CEP72: variants seen among roughly 807,000 people sequenced by gnomAD.
CEP72 encodes centrosomal protein 72, also known as centrosomal protein of 72 kDa.
In CEP72, 78 loss-of-function variants were observed where a neutral mutation model predicts 65.7. That is an observed-to-expected ratio of 1.19 (90% CI 0.99 to 1.43). CEP72 has a LOEUF of 1.43. CEP72 is among the 40% of genes most tolerant of loss of function. CEP72 has a pLI of 0.00. For missense variants in CEP72, 914 were observed against 832.9 expected (o/e 1.10, Z -1.20); for synonymous variants, 358 against 351.7 (o/e 1.02, Z -0.20).
chr5:651,377 G>C (rs1191982179), intron 11 of CEP72, among the ~76,000 whole-genome samples: 1 of 151,822 alleles, frequency 6.6e-6, no homozygotes, highest in Non-Finnish European at 1.5e-5. Flanking sequence ...TGTGAGTTGT[G>C]AATGTGAGGT....
chr5:645,202 G>A lies in CEP72; in HGVS notation c.1666+777G>A, dbSNP rs2126805998. ...TCTCACGATGTCTGTCCCAACCAGC[G>A]GTGGCCTTTGCGGCAGGGAGGCAGC... On this transcript the variant is annotated intron_variant, in intron 10 of 11. Coordinates refer to ENST00000264935, the MANE Select transcript of CEP72 (RefSeq NM_018140.4). The surrounding 1 kb of genome is among the most constrained non-coding windows in gnomAD (Gnocchi z 4.0). 6.6e-6 allele frequency among the ~76,000 whole-genome samples: 1 copy of A among 152,138 alleles called. No homozygotes were observed. Among genetic ancestry groups the A allele is most frequent in the African/African-American group, 2.4e-5 (1 of 41,496 alleles).
At chr5:615,705 TTTA>T (rs1324459069) in intron 1 of CEP72, among the ~76,000 whole-genome samples, 1 of 152,212 alleles carries the variant, frequency 6.6e-6, no homozygotes, top group Non-Finnish European at 1.5e-5. Context: ...AGTGTGCCAT[TTTA>T]TTGTTTTTTG....
chr5:638,881 C>T (rs1436969792), intron 7 of CEP72, among the ~76,000 whole-genome samples: 1 of 152,138 alleles, frequency 6.6e-6, no homozygotes, highest in African/African-American at 2.4e-5. Context: ...GTCATCGAGA[C>T]CTCACTCATC....
chr5:657,989 T>G (rs1032041644), downstream of CEP72, among the ~76,000 whole-genome samples: 1 of 152,208 alleles, frequency 6.6e-6, no homozygotes, highest in Non-Finnish European at 1.5e-5. Context: ...TCGAGTTAGT[T>G]TTTGTAAGTT....
intron 1 of CEP72, among the ~76,000 whole-genome samples, chr5:617,988 T>C (rs1288169282): frequency 6.6e-6 from 1 of 152,228 alleles, no homozygotes; most frequent in Non-Finnish European, 1.5e-5. Flanking sequence ...TTAATGTTGA[T>C]GTAGTGACTG....
At chr5:671,564 A>G (rs1740225491), downstream of CEP72, among the ~76,000 whole-genome samples, 1 of 152,212 alleles carries the variant, frequency 6.6e-6, no homozygotes, top group African/African-American at 2.4e-5. Context: ...GGCCAAGCGC[A>G]GGAGACGGGT....
At chr5:615,003 T>G (rs1244917451) in intron 1 of CEP72, among the ~76,000 whole-genome samples, 1 of 152,180 alleles carries the variant, frequency 6.6e-6, no homozygotes, top group African/African-American at 2.4e-5. Flanking sequence ...CTGGAACCCT[T>G]AACTGTAATT....
chr5:624,931 T>C lies in CEP72; in HGVS notation c.512+352T>C, dbSNP rs1736650103. ...CTTCAGCTACTTTCTTAGCTGCCCA[T>C]CCAGCCAAATCCCACTTCTGGCCGT... On this transcript the variant is annotated intron_variant, in intron 4 of 11. Coordinates refer to ENST00000264935, the MANE Select transcript of CEP72 (RefSeq NM_018140.4). This position sits in a 1 kb window ranked among gnomAD's most constrained non-coding sequence, Gnocchi z 4.7. 6.6e-6 allele frequency among the ~76,000 whole-genome samples: 1 copy of C among 152,192 alleles called. No individual in the cohort carries two copies. The highest frequency in any genetic ancestry group is 1.5e-5 in the Non-Finnish European group (1 of 68,034).
chr5:618,334 G>A (rs1485647057), intron 1 of CEP72, among the ~76,000 whole-genome samples: 1 of 152,212 alleles, frequency 6.6e-6, no homozygotes, highest in Non-Finnish European at 1.5e-5. Context: ...TTCAGATTAC[G>A]AGGATACATA....
chr5:641,373 A>G, intron 9 of CEP72: 1 of 985,488 alleles, frequency 1.0e-6, no homozygotes, highest in Non-Finnish European at 1.2e-6. Context: ...GTGCACATCC[A>G]GAGGGGCCTT....
chr5:671,570 C>T (rs966973761), downstream of CEP72, among the ~76,000 whole-genome samples: 6 of 152,344 alleles, frequency 3.9e-5, no homozygotes, highest in South Asian at 2.1e-4. Flanking sequence ...GCGCAGGAGA[C>T]GGGTGCCTGT....
downstream of CEP72, among the ~76,000 whole-genome samples, chr5:671,169 C>T (rs1174770930): frequency 6.6e-6 from 1 of 151,850 alleles, no homozygotes; most frequent in Non-Finnish European, 1.5e-5. Flanking sequence ...GATCAGCGCA[C>T]TGTCTCCCTC....
At position 644,434 on chromosome 5, in the gene CEP72, A is replaced by G; in HGVS notation, c.1666+9A>G. 1 of 1,613,252 alleles carries G rather than the reference A, an allele frequency of 6.2e-7. No individual in the cohort carries two copies. ...AAATTTGCAGATCGCTGGTAAGTTG[A>G]TCGTGTATTTGGTCACTTTGTAAAC... On this transcript the variant is annotated intron_variant, in intron 10 of 11. Transcript: ENST00000264935.
rs183511941 is a variant in CEP72, at chr5:634,355, C to G, written c.691+408C>G. Among the ~76,000 whole-genome samples, 102 of 152,330 alleles carry G rather than the reference C, an allele frequency of 6.7e-4. 1 individual carries two copies. Among genetic ancestry groups the G allele is most frequent in the South Asian group, 6.6e-3 (32 of 4,824 alleles). ...GACCTGTAGATCCCAGCAAGGGTGT[C>G]TCGGAGACTCCGTTGCCCGGTGGCA... is the stretch of plus-strand genomic sequence containing the variant. On this transcript the variant is annotated intron_variant, in intron 5 of 11. Coordinates refer to ENST00000264935, the MANE Select transcript of CEP72 (RefSeq NM_018140.4).
rs1579942931 is a variant in CEP72 at position 624,321 on chromosome 5, A to T, written c.404-150A>T. 9.6e-6 allele frequency: 6 copies of T among 625,790 alleles called. No individual in the cohort carries two copies. In the East Asian group the frequency reaches 1.7e-4, roughly 17 times the overall value. The allele number at this position is 625,790 out of a possible 1,614,324, so 38.8% of individuals were successfully genotyped here. A position where few individuals can be genotyped will look rare whatever the true frequency, so the allele number is the denominator to read the frequency against. ...CTGGGCATCGCCGGGAAGCTGTGGG[A>T]CCACCAGAGCCCAGCATTCCGGTGC... On this transcript the variant is annotated intron_variant, in intron 3 of 11. Coordinates refer to ENST00000264935, the MANE Select transcript of CEP72 (RefSeq NM_018140.4). This position sits in a 1 kb window ranked among gnomAD's most constrained non-coding sequence, Gnocchi z 4.7.
In CEP72 at chr5:620,145, G is replaced by A. The variant is rs372589408; in HGVS notation, c.287G>A (p.Arg96Gln). The change falls in exon 3 of 12, where the codon CGG (arginine) becomes CAG (glutamine). Residue 96 changes from arginine to glutamine, a missense_variant. By Grantham distance (43) the Arg-to-Gln change is conservative. Coordinates refer to ENST00000264935, the MANE Select transcript of CEP72 (RefSeq NM_018140.4). ...ATCTCCTCGTTGGCAGAAGTGTTTCGGCTCCACGCCTTAACCGAGCTCGTG... is the reference window on the plus strand; with the variant it reads ...ATCTCCTCGTTGGCAGAAGTGTTTCAGCTCCACGCCTTAACCGAGCTCGTG... ...NCISSLAEVF[R>Q]LHALTELVDV... 1.9e-6 allele frequency: 3 copies of A among 1,613,998 alleles called. No individual in the cohort carries two copies. The highest frequency in any genetic ancestry group is 1.1e-5 in the South Asian group (1 of 91,086).
intron 7 of CEP72, 133 bp downstream of exon 7, chr5:637,951 G>A (rs574625584): frequency 1.3e-5 from 12 of 892,648 alleles, no homozygotes; most frequent in South Asian, 7.5e-5. Context: ...CTGTTACGGC[G>A]GTGCCGTGAT....
chr5:618,932 GTTA>G, intron 1 of CEP72, 55 bp from the exon 2 acceptor site: 1 of 1,389,562 alleles, frequency 7.2e-7, no homozygotes, highest in Non-Finnish European at 1.0e-6. Context: ...GAACTTGACC[GTTA>G]TTATAATTGT....
the CEP72 span, among the ~76,000 whole-genome samples, chr5:675,465 G>GGGGGTGCAGTGTAGCCA: frequency 2.2e-5 from 1 of 45,450 alleles, no homozygotes; most frequent in Admixed American, 2.1e-4. Flanking sequence ...GTGCAGCACA[G>GGGGGTGCAGTGTAGCCA]GGGGTGCAGT....
Sources: gnomAD v4.1 joint callset for allele counts (sites outside exome capture counted in the v4.1 genomes callset) on GRCh38, gnomAD v4.1.1 for gene constraint, Gnocchi (gnomAD v3.1) non-coding constraint, MANE v1.5 for transcripts, NCBI Gene and HGNC (gene_info 2026-07-23, HGNC 2026-07-21) for gene names.